Variants in GRXCR1 observed in about 807,000 individuals in gnomAD.
The protein encoded by GRXCR1 is glutaredoxin domain-containing cysteine-rich protein 1.
A neutral mutation model predicts 27.3 loss-of-function variants in GRXCR1; 27 were observed. The ratio of observed to expected loss-of-function variants is 0.99; its 90% CI spans 0.73 to 1.37. The LOEUF (loss-of-function observed/expected upper bound fraction) is 1.37. GRXCR1 is among the 40% of genes most tolerant of loss of function. The probability of loss-of-function intolerance (pLI) is 0.00; values close to 1 mark genes in which losing one functional copy is unlikely to be tolerated. For synonymous variants in GRXCR1, 122 were observed against 131.1 expected (o/e 0.93, Z 0.47); for missense variants, 379 against 354.4 (o/e 1.07, Z -0.56).
intron 2 of GRXCR1, among the ~76,000 whole-genome samples, chr4:43,008,720 A>G (rs994291985): frequency 5.3e-5 from 8 of 152,220 alleles, no homozygotes; most frequent in Admixed American, 2.6e-4. Context: ...AAATTGAATG[A>G]AGAAAAGCAT....
intron 1 of GRXCR1, among the ~76,000 whole-genome samples, chr4:42,899,785 A>C (rs377040706): frequency 6.6e-6 from 1 of 152,304 alleles, no homozygotes; most frequent in African/African-American, 2.4e-5. Context: ...CTAAGTTGGA[A>C]AATCACATTT....
intron 1 of GRXCR1, among the ~76,000 whole-genome samples, chr4:42,932,621 GAGAGA>G (rs1747353868): frequency 4.5e-5 from 1 of 22,116 alleles, no homozygotes; most frequent in Non-Finnish European, 8.3e-5. Flanking sequence ...TATATATATA[GAGAGA>G]GAGAGAGAGA....
intron 2 of GRXCR1, among the ~76,000 whole-genome samples, chr4:43,018,553 T>C (rs904570445): frequency 2.0e-5 from 3 of 152,200 alleles, no homozygotes; most frequent in Non-Finnish European, 4.4e-5. Context: ...ATATGCGTTG[T>C]ACTCTAAACA....
chr4:42,927,392 A>G (rs182904287), intron 1 of GRXCR1, among the ~76,000 whole-genome samples: 6 of 152,144 alleles, frequency 3.9e-5, no homozygotes, highest in Admixed American at 3.9e-4. Flanking sequence ...TGCTACAATG[A>G]TGCTTCTAGA....
At chr4:42,973,333 T>G (rs943520806) in intron 2 of GRXCR1, among the ~76,000 whole-genome samples, 1 of 152,168 alleles carries the variant, frequency 6.6e-6, no homozygotes, top group Non-Finnish European at 1.5e-5. Context: ...CTTGTTAGTT[T>G]TCTATTGTGA....
intron 1 of GRXCR1, among the ~76,000 whole-genome samples, chr4:42,910,979 G>A (rs1032996706): frequency 3.3e-5 from 5 of 152,058 alleles, no homozygotes; most frequent in African/African-American, 1.2e-4. Context: ...TATAGCTCTT[G>A]TAACACCCAT....
At chr4:42,975,404 T>C (rs1748490846) in intron 2 of GRXCR1, among the ~76,000 whole-genome samples, 1 of 152,114 alleles carries the variant, frequency 6.6e-6, no homozygotes, top group East Asian at 1.9e-4. Context: ...TTAGTGCCCT[T>C]TTCAGTTATG....
At chr4:42,912,183 C>A (rs995095208) in intron 1 of GRXCR1, among the ~76,000 whole-genome samples, 1 of 152,046 alleles carries the variant, frequency 6.6e-6, no homozygotes, top group African/African-American at 2.4e-5. Flanking sequence ...GGTATTTAAA[C>A]AAGAGTCATG....
At chr4:42,940,331 T>G (rs540897644) in intron 1 of GRXCR1, among the ~76,000 whole-genome samples, 1 of 152,240 alleles carries the variant, frequency 6.6e-6, no homozygotes, top group South Asian at 2.1e-4. Context: ...AGATCTTAGC[T>G]ACAGCTCTCT....
intron 1 of GRXCR1, among the ~76,000 whole-genome samples, chr4:42,920,412 T>C (rs1229490367): frequency 1.3e-5 from 2 of 152,098 alleles, no homozygotes; most frequent in Non-Finnish European, 2.9e-5. Flanking sequence ...AATGCAAACA[T>C]CAGGAAGAAT....
At chr4:43,020,441 T>C (rs1274768053) in intron 3 of GRXCR1, 22 bp downstream of exon 3, 1 of 1,445,686 alleles carries the variant, frequency 6.9e-7, no homozygotes, top group Non-Finnish European at 9.7e-7. Flanking sequence ...TTCAGCAACT[T>C]AGTTTTAGTA....
chr4:42,990,353 G>A (rs907837305), intron 2 of GRXCR1, among the ~76,000 whole-genome samples: 4 of 150,412 alleles, frequency 2.7e-5, no homozygotes, highest in Admixed American at 6.6e-5. Context: ...CACTACGCCC[G>A]GCTAATTTTT....
intron 1 of GRXCR1, among the ~76,000 whole-genome samples, chr4:42,952,302 G>T (rs543459061): frequency 6.6e-6 from 1 of 152,190 alleles, no homozygotes; most frequent in East Asian, 1.9e-4. Flanking sequence ...AGCTGAGTAG[G>T]CTCCACTGAG....
At chr4:42,937,505 G>C (rs989098967) in intron 1 of GRXCR1, among the ~76,000 whole-genome samples, 1 of 151,826 alleles carries the variant, frequency 6.6e-6, no homozygotes, top group African/African-American at 2.4e-5. Context: ...ACAGACCAAG[G>C]AAATATATGT....
intron 1 of GRXCR1, among the ~76,000 whole-genome samples, chr4:42,936,551 A>T (rs778311983): frequency 1.2e-4 from 18 of 152,070 alleles, no homozygotes; most frequent in Non-Finnish European, 2.4e-4. Context: ...TAAGTGTGGT[A>T]CATTTGTCAC....
At chr4:42,985,516 T>C (rs1474929709) in intron 2 of GRXCR1, among the ~76,000 whole-genome samples, 1 of 152,128 alleles carries the variant, frequency 6.6e-6, no homozygotes, top group Non-Finnish European at 1.5e-5. Context: ...TTGCAGTCAG[T>C]ATCTTAGTAA....
At chr4:42,909,360 T>G (rs7685293) in intron 1 of GRXCR1, among the ~76,000 whole-genome samples, 1 of 152,110 alleles carries the variant, frequency 6.6e-6, no homozygotes, top group African/African-American at 2.4e-5. Context: ...GGCTCCCCCA[T>G]ACCCCGAAGT....
chr4:42,904,292 ACCTT>A (rs1157070164), intron 1 of GRXCR1, among the ~76,000 whole-genome samples: 7 of 152,116 alleles, frequency 4.6e-5, no homozygotes, highest in South Asian at 4.1e-4. Flanking sequence ...GGGACTACTT[ACCTT>A]CATTGCCTTT....
chr4:43,015,343 A>T (rs919584816), intron 2 of GRXCR1, among the ~76,000 whole-genome samples: 10 of 152,218 alleles, frequency 6.6e-5, no homozygotes, highest in African/African-American at 2.4e-4. Flanking sequence ...AGATAAATAA[A>T]TGGCAGGGAA....
Sources: allele counts gnomAD v4.1 joint callset (sites outside exome capture counted in the v4.1 genomes callset), GRCh38; gene constraint gnomAD v4.1.1; transcripts MANE v1.5; gene names NCBI Gene and HGNC (gene_info 2026-07-23, HGNC 2026-07-21).